GNAL: variants seen among roughly 807,000 people sequenced by gnomAD.
GNAL encodes the protein G protein subunit alpha L, also known as guanine nucleotide-binding protein G(olf) subunit alpha.
Under a neutral mutation model 55.1 loss-of-function variants are expected in GNAL, and 18 were observed. The ratio of observed to expected loss-of-function variants is 0.33; its 90% CI spans 0.23 to 0.48. The LOEUF is 0.48. Ranked by LOEUF, GNAL falls within the 20% of genes least tolerant of loss-of-function variation. The pLI is 0.99. For synonymous variants in GNAL, 253 were observed against 237.0 expected, an observed-to-expected ratio of 1.07 and a Z score of -0.62; for missense variants, 412 against 614.1, an observed-to-expected ratio of 0.67 and a Z score of 3.48.
intron 1 of GNAL, among the ~76,000 whole-genome samples, chr18:11,749,922 A>G (rs1046319017): frequency 6.6e-6 from 1 of 152,210 alleles, no homozygotes; most frequent in Non-Finnish European, 1.5e-5. Context: ...TAACCCCACC[A>G]GAAGGACCAG....
At chr18:11,788,910 AAAAAATATAT>A (rs1157338364) in intron 4 of GNAL, among the ~76,000 whole-genome samples, 1 of 73,368 alleles carries the variant, frequency 1.4e-5, no homozygotes, top group Admixed American at 1.6e-4. Context: ...AAAAAAAAAA[AAAAAATATAT>A]ATATATATAT....
chr18:11,813,940 G>C (rs1020013551), intron 4 of GNAL, among the ~76,000 whole-genome samples: 10 of 152,134 alleles, frequency 6.6e-5, no homozygotes, highest in African/African-American at 2.2e-4. Context: ...AAGGATTCAA[G>C]GAGAAAGGAT....
chr18:11,851,915 C>G (rs764387927), intron 5 of GNAL: 2 of 1,613,924 alleles, frequency 1.2e-6, no homozygotes, highest in South Asian at 2.2e-5. Context: ...ATGGAAGACA[C>G]GATGAGCAGC....
At chr18:11,774,312 T>C (rs2033718309) in intron 4 of GNAL, among the ~76,000 whole-genome samples, 1 of 152,224 alleles carries the variant, frequency 6.6e-6, no homozygotes, top group Non-Finnish European at 1.5e-5. Flanking sequence ...TTTTCAAGGC[T>C]TGGCATTGCA....
At chr18:11,870,369 A>T (rs374249199) in intron 9 of GNAL, among the ~76,000 whole-genome samples, 4 of 151,958 alleles carry the variant, frequency 2.6e-5, no homozygotes, top group African/African-American at 9.7e-5. Flanking sequence ...AAAACTACAA[A>T]AATTAGCCAG....
At chr18:11,757,766 T>C (rs1212784766) in intron 4 of GNAL, among the ~76,000 whole-genome samples, 1 of 152,064 alleles carries the variant, frequency 6.6e-6, no homozygotes, top group Admixed American at 6.6e-5. Context: ...GCTGGATGCG[T>C]GAGGCCCCAG....
At chr18:11,733,969 G>T (rs114830580) in intron 1 of GNAL, among the ~76,000 whole-genome samples, 1 of 151,644 alleles carries the variant, frequency 6.6e-6, no homozygotes. Flanking sequence ...GTAGAACTGC[G>T]CCATCATTTC....
chr18:11,732,528 T>TA lies in GNAL; in HGVS notation c.377-20325_377-20324insA, dbSNP rs1419485088. 2.8e-3 allele frequency among the ~76,000 whole-genome samples: 420 copies of TA among 152,364 alleles called. 2 individuals are homozygous for TA. Among genetic ancestry groups the TA allele is most frequent in the African/African-American group, 9.9e-3 (410 of 41,578 alleles). ...ATTTTAATTGGGTTATTTGTCATTT[T>TA]TTCTCATTTGTTCTCAAGCACACGT... On this transcript the variant is annotated intron_variant, in intron 1 of 11. Transcript: ENST00000334049.
chr18:11,859,488 C>A (rs908098192), intron 5 of GNAL, among the ~76,000 whole-genome samples: 3 of 152,222 alleles, frequency 2.0e-5, no homozygotes, highest in Admixed American at 6.5e-5. Context: ...CCAAACCAGG[C>A]CTCAGGCAAT....
At chr18:11,797,663 G>T (rs1203253313) in intron 4 of GNAL, among the ~76,000 whole-genome samples, 1 of 152,082 alleles carries the variant, frequency 6.6e-6, no homozygotes, top group East Asian at 1.9e-4. Context: ...GGTTTGCTGA[G>T]GTGGGAAGAT....
Position 11,851,454 on chromosome 18 carries a change from T to C in GNAL, c.723-10941T>C, listed in dbSNP as rs2035863425. 4.8e-6 allele frequency: 7 copies of C among 1,472,406 alleles called. No individual in the cohort carries two copies. In the African/African-American group the frequency reaches 5.7e-5, roughly 12 times the overall value. The allele number at this position is 1,472,406 out of a possible 1,614,324, so 91.2% of individuals were successfully genotyped here. ...CGGCCGGGAGCGGACTTACCTTACC[T>C]TCTCTGCCTTCGGCGCGCTTCTCAG... On this transcript the variant is annotated intron_variant, in intron 5 of 11. Transcript: ENST00000334049.
rs377104424 is a variant in GNAL, at chr18:11,884,458, C to T, written c.*3323C>T. 19 of 1,613,788 alleles carry T rather than the reference C, an allele frequency of 1.2e-5. No homozygotes were observed. The highest frequency in any genetic ancestry group is 6.7e-5 in the African/African-American group (5 of 74,892). On this transcript the variant is annotated 3_prime_UTR_variant, in exon 12 of 12. Coordinates refer to ENST00000334049, the MANE Select transcript of GNAL (RefSeq NM_182978.4). ...GGCGCCTGCTCTTCATCTTGTCTTA[C>T]GCTTTCCGAGCAAGTTCAAACCAGA...
chr18:11,708,747 G>A (rs761949765), intron 1 of GNAL, among the ~76,000 whole-genome samples: 8 of 152,292 alleles, frequency 5.3e-5, no homozygotes, highest in Non-Finnish European at 8.8e-5. Context: ...CCTTTCAGTA[G>A]GTTGCCTCTT....
At chr18:11,765,645 G>C (rs1245467738) in intron 4 of GNAL, among the ~76,000 whole-genome samples, 1 of 152,132 alleles carries the variant, frequency 6.6e-6, no homozygotes, top group African/African-American at 2.4e-5. Context: ...CTCCCACATA[G>C]GAGTGAGAAC....
chr18:11,863,621 C>G (rs1482089435), intron 6 of GNAL, among the ~76,000 whole-genome samples: 3 of 152,140 alleles, frequency 2.0e-5, no homozygotes, highest in Non-Finnish European at 4.4e-5. Flanking sequence ...ATGGCTGCTT[C>G]CTTAAAATCA....
chr18:11,801,915 G>A (rs2034532025), intron 4 of GNAL, among the ~76,000 whole-genome samples: 1 of 152,108 alleles, frequency 6.6e-6, no homozygotes, highest in African/African-American at 2.4e-5. Flanking sequence ...CACCTGAGTA[G>A]GGACCTCCTT....
At position 11,730,034 on chromosome 18, in the gene GNAL, TTCTTTTC is replaced by T. The variant is rs147819376; in HGVS notation, c.377-22817_377-22811del. Among the ~76,000 whole-genome samples, 5 of 152,204 alleles carry T rather than the reference TTCTTTTC, an allele frequency of 3.3e-5. 1 individual carries two copies. The highest frequency in any genetic ancestry group is 1.2e-4 in the African/African-American group (5 of 41,474). On this transcript the variant is annotated intron_variant, in intron 1 of 11. Transcript: ENST00000334049. Reference sequence around the variant, plus strand: ...GAAAGAGTTAAGTTTTTCTTTTCTTTTCTTTTCTTTTTTTTTTGAGACAGAGTCTCGC... The same window carrying T: ...GAAAGAGTTAAGTTTTTCTTTTCTTTTTTTTTTTTTGAGACAGAGTCTCGC...
intron 5 of GNAL, among the ~76,000 whole-genome samples, chr18:11,848,965 T>C (rs769796782): frequency 1.3e-5 from 2 of 152,228 alleles, no homozygotes. Flanking sequence ...TTACCTAATG[T>C]GTGGGTTCAG....
rs777100069 is a variant in GNAL, at chr18:11,751,836, C to T, written c.377-1017C>T. On this transcript the variant is annotated intron_variant, in intron 1 of 11. Transcript: ENST00000334049. The surrounding 1 kb of genome is among the most constrained non-coding windows in gnomAD (Gnocchi z 4.5). ...CAAAGCCAGCCTCCCTCTCCCTTCC[C>T]CGCACCGGGATCCCAGACCAGGGAG... 9 of 187,888 alleles carry T rather than the reference C, an allele frequency of 4.8e-5. No homozygotes were observed. The highest frequency in any genetic ancestry group is 8.9e-5 in the Non-Finnish European group (9 of 100,652). 11.6% of individuals were successfully genotyped at this position (187,888 alleles called of 1,614,324 possible).
Sources: gnomAD v4.1 joint callset for allele counts (sites outside exome capture counted in the v4.1 genomes callset) on GRCh38, gnomAD v4.1.1 for gene constraint, Gnocchi (gnomAD v3.1) non-coding constraint, MANE v1.5 for transcripts, NCBI Gene and HGNC (gene_info 2026-07-23, HGNC 2026-07-21) for gene names.